The following GPR158 variants were observed in gnomAD, a reference collection of about 807,000 sequenced individuals.
GPR158 encodes the protein G protein-coupled receptor 158.
Under a neutral mutation model 78.2 loss-of-function variants are expected in GPR158, and 30 were observed. That is an observed-to-expected ratio of 0.38 (90% CI 0.29 to 0.52). The LOEUF (loss-of-function observed/expected upper bound fraction) is 0.52. Ranked by LOEUF, GPR158 falls within the 20% of genes least tolerant of loss-of-function variation. The pLI is 0.83. For missense variants in GPR158, 1,463 were observed against 1,523.5 expected, an observed-to-expected ratio of 0.96 and a Z score of 0.66; for synonymous variants, 581 against 591.1, an observed-to-expected ratio of 0.98 and a Z score of 0.25.
chr10:25,191,922 C>T (rs1852776322), intron 1 of GPR158, among the ~76,000 whole-genome samples: 1 of 152,120 alleles, frequency 6.6e-6, no homozygotes, highest in Non-Finnish European at 1.5e-5. Context: ...CAACCTGCCT[C>T]CTGTTATTAT....
At chr10:25,187,870 A>G (rs2130637425) in intron 1 of GPR158, among the ~76,000 whole-genome samples, 1 of 152,338 alleles carries the variant, frequency 6.6e-6, no homozygotes, top group South Asian at 2.1e-4. Context: ...ACATGATTGT[A>G]TATCCAGAAA....
At chr10:25,423,282 G>A (rs540664958) in intron 4 of GPR158, among the ~76,000 whole-genome samples, 38 of 151,876 alleles carry the variant, frequency 2.5e-4, no homozygotes, top group Non-Finnish European at 4.9e-4. Flanking sequence ...GAATTGTGCT[G>A]CTATAAACAT....
At chr10:25,216,954 G>A (rs190610069) in intron 1 of GPR158, among the ~76,000 whole-genome samples, 4 of 152,262 alleles carry the variant, frequency 2.6e-5, no homozygotes, top group Admixed American at 6.5e-5. Context: ...TCCAAGGAAC[G>A]TGGATTTTAT....
At chr10:25,220,226 T>C (rs547554734) in intron 1 of GPR158, among the ~76,000 whole-genome samples, 1 of 152,180 alleles carries the variant, frequency 6.6e-6, no homozygotes, top group Non-Finnish European at 1.5e-5. Flanking sequence ...TGTGTGATAG[T>C]GCAGTGTTGG....
chr10:25,358,678 G>T (rs1855586653), intron 2 of GPR158, among the ~76,000 whole-genome samples: 1 of 152,018 alleles, frequency 6.6e-6, no homozygotes, highest in Non-Finnish European at 1.5e-5. Flanking sequence ...TCTTTCTGTT[G>T]TAAATTGCCC....
At chr10:25,260,974 A>C (rs941676078) in intron 2 of GPR158, among the ~76,000 whole-genome samples, 3 of 152,200 alleles carry the variant, frequency 2.0e-5, no homozygotes, top group Non-Finnish European at 4.4e-5. Context: ...GTGAACATCT[A>C]TTCTGCTATA....
At chr10:25,232,419 G>A (rs2130696612) in intron 2 of GPR158, among the ~76,000 whole-genome samples, 1 of 152,290 alleles carries the variant, frequency 6.6e-6, no homozygotes, top group African/African-American at 2.4e-5. Context: ...ATGCTTGGCA[G>A]CCCCCTTTTT....
At chr10:25,413,019 A>G (rs1440639168) in intron 4 of GPR158, among the ~76,000 whole-genome samples, 2 of 152,180 alleles carry the variant, frequency 1.3e-5, no homozygotes, top group African/African-American at 2.4e-5. Context: ...GTTCTAGTCT[A>G]AGTAATCAAG....
chr10:25,420,642 T>G (rs962691532), intron 4 of GPR158, among the ~76,000 whole-genome samples: 2 of 152,066 alleles, frequency 1.3e-5, no homozygotes, highest in African/African-American at 4.8e-5. Flanking sequence ...TTTTTATGTA[T>G]AGTATAAGAT....
intron 4 of GPR158, among the ~76,000 whole-genome samples, chr10:25,437,541 A>AT (rs1233276322): frequency 6.6e-6 from 1 of 152,166 alleles, no homozygotes; most frequent in African/African-American, 2.4e-5. Flanking sequence ...TGGGATTTTG[A>AT]TTGAGATTGC....
intron 1 of GPR158, among the ~76,000 whole-genome samples, chr10:25,196,066 C>T (rs1852839797): frequency 6.6e-6 from 1 of 150,754 alleles, no homozygotes; most frequent in Non-Finnish European, 1.5e-5. Flanking sequence ...TTACACTTGC[C>T]ATTTAGTGGG....
chr10:25,551,685 A>T (rs1237401749), intron 6 of GPR158, among the ~76,000 whole-genome samples: 1 of 152,090 alleles, frequency 6.6e-6, no homozygotes, highest in Admixed American at 6.6e-5. Flanking sequence ...AAAATGAACT[A>T]CCTATCTACA....
intron 2 of GPR158, among the ~76,000 whole-genome samples, chr10:25,353,445 G>C (rs1277878414): frequency 6.6e-6 from 1 of 151,574 alleles, no homozygotes. Context: ...CCTGCACATT[G>C]TGCACATGTA....
intron 5 of GPR158, among the ~76,000 whole-genome samples, chr10:25,512,704 GT>G (rs1393893562): frequency 6.8e-6 from 1 of 147,664 alleles, no homozygotes; most frequent in Admixed American, 6.6e-5. Context: ...AGGTATGTCC[GT>G]CCTGTACTGA....
At chr10:25,540,871 A>G (rs936265566) in intron 5 of GPR158, among the ~76,000 whole-genome samples, 7 of 151,428 alleles carry the variant, frequency 4.6e-5, no homozygotes, top group Admixed American at 6.6e-5. Context: ...CAGCACACCA[A>G]CATGGCACAT....
intron 2 of GPR158, among the ~76,000 whole-genome samples, chr10:25,275,663 T>C (rs774343136): frequency 2.0e-5 from 3 of 152,218 alleles, no homozygotes; most frequent in African/African-American, 7.2e-5. Context: ...AGAATGATCA[T>C]GTTAAGGACT....
intron 2 of GPR158, among the ~76,000 whole-genome samples, chr10:25,224,756 T>C (rs1853350309): frequency 3.3e-5 from 5 of 152,002 alleles, no homozygotes; most frequent in Admixed American, 3.3e-4. Context: ...TTGCTACCAA[T>C]TTTTGCAGAG....
In GPR158 at chr10:25,417,959, A is replaced by G. The variant is rs150708355; in HGVS notation, c.1335+5486A>G. 2.9e-3 allele frequency among the ~76,000 whole-genome samples: 449 copies of G among 152,320 alleles called. 2 individuals are homozygous for G. Among genetic ancestry groups the G allele is most frequent in the African/African-American group, 0.01 (435 of 41,568 alleles). On this transcript the variant is annotated intron_variant, in intron 4 of 10. Transcript: ENST00000376351. ...CACCGTATGTCATTGAGGGCCTGCT[A>G]GAAATGGACCATTTTGGAACTGAGG... is the stretch of plus-strand genomic sequence containing the variant.
intron 4 of GPR158, among the ~76,000 whole-genome samples, chr10:25,422,221 A>G (rs940943650): frequency 2.6e-5 from 4 of 152,256 alleles, no homozygotes; most frequent in African/African-American, 9.6e-5. Context: ...AGAATTGAAC[A>G]TGGCCCACTT....
Sources: allele counts gnomAD v4.1 joint callset (sites outside exome capture counted in the v4.1 genomes callset), GRCh38; gene constraint gnomAD v4.1.1; transcripts MANE v1.5; gene names NCBI Gene and HGNC (gene_info 2026-07-23, HGNC 2026-07-21).